The following SYT1 variants were observed in gnomAD, a reference collection of about 807,000 sequenced individuals.
SYT1 encodes synaptotagmin 1, also known as synaptotagmin-1.
SYT1 carries 8 observed loss-of-function variants against 44.8 expected under a neutral mutation model. The ratio of observed to expected loss-of-function variants is 0.18; its 90% CI spans 0.10 to 0.32. The LOEUF (loss-of-function observed/expected upper bound fraction) is 0.32, where lower values mean the gene tolerates loss of function less well. Ranked by LOEUF, SYT1 falls within the 10% of genes least tolerant of loss-of-function variation. The probability of loss-of-function intolerance (pLI) is 1.00; values close to 1 mark genes in which losing one functional copy is unlikely to be tolerated. For synonymous variants in SYT1, 154 were observed against 188.8 expected (o/e 0.82, Z 1.51); for missense variants, 286 against 509.3 (o/e 0.56, Z 4.22).
chr12:79,111,584 ATATGATATATTTCAAAG>A (rs1159422117), intron 3 of SYT1, among the ~76,000 whole-genome samples: 2 of 152,098 alleles, frequency 1.3e-5, no homozygotes, highest in Admixed American at 1.3e-4. Context: ...GAATAGACAA[ATATGATATATTTCAAAG>A]TATCTCACAG....
intron 3 of SYT1, among the ~76,000 whole-genome samples, chr12:79,190,859 A>C (rs1236654402): frequency 6.6e-6 from 1 of 152,114 alleles, no homozygotes; most frequent in Non-Finnish European, 1.5e-5. Flanking sequence ...CTTTTGATAG[A>C]GTAATATATT....
chr12:78,889,005 A>G (rs1165354730), intron 1 of SYT1, among the ~76,000 whole-genome samples: 2 of 151,886 alleles, frequency 1.3e-5, no homozygotes, highest in Non-Finnish European at 2.9e-5. Flanking sequence ...CGAAACCCGT[A>G]TTCTTTCCCC....
At chr12:79,225,010 A>C (rs1875427874) in intron 4 of SYT1, among the ~76,000 whole-genome samples, 1 of 151,466 alleles carries the variant, frequency 6.6e-6, no homozygotes, top group Admixed American at 6.6e-5. Flanking sequence ...CGAACTCCCG[A>C]CCTCAGGTGA....
At chr12:79,080,275 T>A (rs1876941789) in intron 3 of SYT1, among the ~76,000 whole-genome samples, 1 of 152,184 alleles carries the variant, frequency 6.6e-6, no homozygotes, top group South Asian at 2.1e-4. Flanking sequence ...TACTTATTTC[T>A]TTTTATATTA....
At chr12:79,388,314 T>C (rs1884518483) in intron 9 of SYT1, among the ~76,000 whole-genome samples, 1 of 152,186 alleles carries the variant, frequency 6.6e-6, no homozygotes, top group Non-Finnish European at 1.5e-5. Flanking sequence ...CTTCAACCTA[T>C]ATACACACAG....
At chr12:79,119,854 A>G (rs74560629) in intron 3 of SYT1, among the ~76,000 whole-genome samples, 3,706 of 152,064 alleles carry the variant, frequency 0.024, 121 homozygotes, top group South Asian at 0.11. Context: ...CCCCTTGAGT[A>G]AGGACAGAAG....
intron 4 of SYT1, among the ~76,000 whole-genome samples, chr12:79,280,496 A>C (rs549249919): frequency 1.3e-5 from 2 of 152,110 alleles, no homozygotes; most frequent in East Asian, 3.9e-4. Context: ...ATACAAAAAA[A>C]ATTAACACAA....
chr12:78,924,661 T>C (rs905409958), intron 1 of SYT1, among the ~76,000 whole-genome samples: 1 of 148,026 alleles, frequency 6.8e-6, no homozygotes, highest in Non-Finnish European at 1.5e-5. Flanking sequence ...AATATATATA[T>C]TTGTATATAT....
intron 8 of SYT1, among the ~76,000 whole-genome samples, chr12:79,342,178 CT>C (rs1882407059): frequency 6.6e-6 from 1 of 152,060 alleles, no homozygotes; most frequent in East Asian, 1.9e-4. Context: ...GAATTTGGGC[CT>C]TTTAACTCAA....
At chr12:79,167,501 T>G (rs1215401155) in intron 3 of SYT1, among the ~76,000 whole-genome samples, 1 of 152,002 alleles carries the variant, frequency 6.6e-6, no homozygotes, top group African/African-American at 2.4e-5. Flanking sequence ...TCCCTCAAGC[T>G]TATATACTTG....
intron 3 of SYT1, among the ~76,000 whole-genome samples, chr12:79,050,774 AT>A (rs1874421002): frequency 6.6e-6 from 1 of 152,082 alleles, no homozygotes; most frequent in Non-Finnish European, 1.5e-5. Flanking sequence ...GAGAATAAAT[AT>A]TATTTGCAAA....
chr12:79,298,982 C>T (rs1426259429), intron 7 of SYT1, among the ~76,000 whole-genome samples: 4 of 151,920 alleles, frequency 2.6e-5, no homozygotes, highest in Non-Finnish European at 5.9e-5. Flanking sequence ...AGTTATTTGC[C>T]CCTCAGTAAG....
At chr12:79,244,709 A>T (rs1876715485) in intron 4 of SYT1, among the ~76,000 whole-genome samples, 1 of 150,576 alleles carries the variant, frequency 6.6e-6, no homozygotes, top group Non-Finnish European at 1.5e-5. Context: ...GTCTCAAAAA[A>T]AGAAGAAAAA....
chr12:79,314,125 C>T (rs1375757087), intron 8 of SYT1, among the ~76,000 whole-genome samples: 3 of 139,186 alleles, frequency 2.2e-5, no homozygotes, highest in Non-Finnish European at 1.5e-5. Context: ...GCCGAGATCG[C>T]GCCACTGCAC....
chr12:79,204,437 C>G (rs938742354), intron 3 of SYT1, among the ~76,000 whole-genome samples: 8 of 152,138 alleles, frequency 5.3e-5, no homozygotes, highest in African/African-American at 1.9e-4. Context: ...GCCTGCAGCT[C>G]AGAAACAGCA....
intron 3 of SYT1, among the ~76,000 whole-genome samples, chr12:79,124,987 T>A (rs1230268472): frequency 2.0e-5 from 3 of 150,012 alleles, no homozygotes; most frequent in Non-Finnish European, 1.5e-5. Context: ...GAATGTCAAA[T>A]TTTTTTTTTC....
intron 9 of SYT1, 129 bp from the exon 10 acceptor site, chr12:79,443,944 A>T: frequency 1.0e-6 from 1 of 994,682 alleles, no homozygotes; most frequent in Non-Finnish European, 1.4e-6. Flanking sequence ...AAAAGTATTG[A>T]ATTTAAAAAA....
chr12:78,870,161 C>G (rs1241103541), intron 1 of SYT1, among the ~76,000 whole-genome samples: 1 of 152,038 alleles, frequency 6.6e-6, no homozygotes, highest in African/African-American at 2.4e-5. Context: ...TCCAAGAGTT[C>G]ATACAGCCCT....
At chr12:79,179,049 TATATAGATATAGATATAGATATATAG>T (rs1872141787) in intron 3 of SYT1, among the ~76,000 whole-genome samples, 5 of 85,284 alleles carry the variant, frequency 5.9e-5, no homozygotes, top group Non-Finnish European at 6.7e-5. Flanking sequence ...TAGATATAGA[TATATAGATATAGATATAGATATATAG>T]ATATAGATAT....
Sources: allele counts gnomAD v4.1 joint callset (sites outside exome capture counted in the v4.1 genomes callset), GRCh38; gene constraint gnomAD v4.1.1; transcripts MANE v1.5; gene names NCBI Gene and HGNC (gene_info 2026-07-23, HGNC 2026-07-21).